GSDMB: variants seen among roughly 807,000 people sequenced by gnomAD.
GSDMB encodes the protein gasdermin-B.
Under a neutral mutation model 42.9 loss-of-function variants are expected in GSDMB, and 32 were observed. The observed-to-expected ratio is 0.75, with a 90% CI of 0.56 to 1.00. The LOEUF (loss-of-function observed/expected upper bound fraction) is 1.00, where lower values mean the gene tolerates loss of function less well. GSDMB is among the 50% of genes least tolerant of loss of function. The pLI, the probability that GSDMB is intolerant of heterozygous loss-of-function variation, is 0.00. For missense variants in GSDMB, 468 were observed against 498.5 expected (o/e 0.94, Z 0.58); for synonymous variants, 175 against 193.7 (o/e 0.90, Z 0.80).
At chr17:39,908,125 T>C in intron 6 of GSDMB, 51 bp downstream of exon 6, 2 of 1,013,164 alleles carry the variant, frequency 2.0e-6, no homozygotes, top group Non-Finnish European at 3.1e-6. Context: ...TTAAAAATAG[T>C]GTCTTTGCCC....
intron 5 of GSDMB, 102 bp downstream of exon 5, chr17:39,908,856 C>T: frequency 2.6e-6 from 2 of 779,786 alleles, no homozygotes; most frequent in Non-Finnish European, 4.4e-6. Flanking sequence ...CCAAGCTCAC[C>T]AGCCACCCAC....
At chr17:39,917,909 T>C (rs1358640940) in intron 1 of GSDMB, 3 of 155,050 alleles carry the variant, frequency 1.9e-5, no homozygotes, top group African/African-American at 7.2e-5. Context: ...GAGGCAGCCA[T>C]GACTCAGTAA....
Position 39,905,454 on chromosome 17 carries a change from T to C in GSDMB, c.1070A>G (p.Lys357Arg), listed in dbSNP as rs749236575. 6.2e-7 allele frequency: 1 copy of C among 1,609,368 alleles called. No individual in the cohort carries two copies. Among genetic ancestry groups the C allele is most frequent in the Non-Finnish European group, 8.5e-7 (1 of 1,177,934 alleles). The stretch of plus-strand genomic sequence containing the variant: ...GTCCTTCAACAGAGGAAGGGTCCCC[T>C]TCTCCAGGGCCTCAGCCACAAACTG... ...EQQFVAEALE[K>R]GTLPLLKDQV... The change falls in exon 10 of 11, where the codon AAG becomes AGG. Residue 357 changes from lysine to arginine, a missense_variant. Coordinates refer to ENST00000418519, the MANE Select transcript of GSDMB (RefSeq NM_001165958.2).
chr17:39,911,215 C>T (rs902194527), intron 3 of GSDMB, among the ~76,000 whole-genome samples: 2 of 147,944 alleles, frequency 1.4e-5, no homozygotes, highest in Non-Finnish European at 3.0e-5. Context: ...CCCAGCTCCT[C>T]GGGAGGTTGA....
intron 1 of GSDMB, 49 bp from the exon 2 acceptor site, chr17:39,917,379 A>G (rs1431581503): frequency 9.1e-7 from 1 of 1,095,906 alleles, no homozygotes; most frequent in East Asian, 2.4e-5. Flanking sequence ...GTATTGGTTC[A>G]AGTATTTAAA....
Position 39,917,116 on chromosome 17 carries a change from G to T in GSDMB, c.201C>A (p.Asp67Glu). The T allele has an allele frequency of 6.2e-7, 1 of 1,613,938 alleles. No homozygotes were observed. Among genetic ancestry groups the T allele is most frequent in the Non-Finnish European group, 8.5e-7 (1 of 1,179,894 alleles). Residue 67 changes from aspartate to glutamate, a missense_variant, in exon 2 of 11, where the codon GAC becomes GAA. Asp to Glu is a conservative substitution (Grantham distance 45, BLOSUM62 2). Transcript: ENST00000418519. ...TLMDILDTDGDKWLDELDSGL... is the reference protein window; with the variant it reads ...TLMDILDTDGEKWLDELDSGL... ...CAGAATCCAGTTCATCTAACCACTT[G>T]TCCCCATCTGTGTCCAGAATGTCCA...
At chr17:39,906,602 G>A (rs2063509029) in intron 7 of GSDMB, 2 of 1,305,168 alleles carry the variant, frequency 1.5e-6, no homozygotes, top group Non-Finnish European at 1.9e-6. Flanking sequence ...AAGTAATTAG[G>A]ATTTGGAGAA....
Position 39,904,906 on chromosome 17 carries a change from T to C in GSDMB, c.1157A>G (p.Asp386Gly), listed in dbSNP as rs1860239670. ...DELASSPPDM[D>G]YDPEARILCA... ...GAGAATTCGTGCCTCAGGGTCATAG[T>C]CCATGTCAGGAGGACTGCTGGCCAG... Residue 386 changes from aspartate (D) to glycine (G), a missense_variant, in exon 11 of 11, where the codon GAC (aspartate) becomes GGC (glycine). Asp to Gly is a moderately conservative substitution (Grantham distance 94). Coordinates refer to ENST00000418519, the MANE Select transcript of GSDMB (RefSeq NM_001165958.2). The C allele has an allele frequency of 1.9e-6, 3 of 1,613,528 alleles. No individual in the cohort carries two copies. The highest frequency in any genetic ancestry group is 2.5e-6 in the Non-Finnish European group (3 of 1,179,526).
chr17:39,912,290 T>G, intron 3 of GSDMB, 36 bp downstream of exon 3: 1 of 1,544,840 alleles, frequency 6.5e-7, no homozygotes, highest in Non-Finnish European at 8.9e-7. Context: ...GATGGGCTTC[T>G]TCCCCTCCTT....
In GSDMB at chr17:39,917,394, C is replaced by G. The variant is rs996508846; in HGVS notation, c.-14-64G>C. On this transcript the variant is annotated intron_variant, in intron 1 of 10. Transcript: ENST00000418519. ...GTATTGGTTCAAGTATTTAAATCTT[C>G]CACATTTGGCAGCCTGAGGTGTCAG... The G allele has an allele frequency of 1.4e-5, 14 of 971,140 alleles. 1 individual carries two copies. The African/African-American group carries it at 2.1e-4, about 14-fold the overall frequency. The allele number at this position is 971,140 out of a possible 1,614,324, so 60.2% of individuals were successfully genotyped here.
At chr17:39,917,000 A>C in intron 2 of GSDMB, 82 bp downstream of exon 2, 1 of 870,866 alleles carries the variant, frequency 1.1e-6, no homozygotes, top group Non-Finnish European at 1.9e-6. Flanking sequence ...ATTGGTTGAT[A>C]ACAATGGGGA....
intron 10 of GSDMB, 143 bp downstream of exon 10, chr17:39,905,283 A>C: frequency 3.1e-6 from 2 of 641,502 alleles, no homozygotes; most frequent in Non-Finnish European, 2.8e-6. Flanking sequence ...TGTCCAGGGA[A>C]TTGTCACAAA....
chr17:39,916,271 T>C (rs981843597), intron 2 of GSDMB, among the ~76,000 whole-genome samples: 3 of 143,228 alleles, frequency 2.1e-5, no homozygotes, highest in African/African-American at 5.3e-5. Context: ...CGTAATTTGT[T>C]CTCATTTGAT....
At chr17:39,912,299 T>A in intron 3 of GSDMB, 27 bp downstream of exon 3, 1 of 1,588,200 alleles carries the variant, frequency 6.3e-7, no homozygotes, top group Non-Finnish European at 8.6e-7. Context: ...CTTCCCCTCC[T>A]TCCCTGCTGC....
intron 2 of GSDMB, among the ~76,000 whole-genome samples, chr17:39,914,554 G>C (rs1490400906): frequency 2.6e-5 from 4 of 152,020 alleles, no homozygotes; most frequent in Non-Finnish European, 4.4e-5. Flanking sequence ...CTGAGGTCAG[G>C]AGTTCAAGAC....
At chr17:39,917,715 G>C (rs9303279) in intron 1 of GSDMB, 137,387 of 220,846 alleles carry the variant, frequency 0.62, 45,062 homozygotes, top group African/African-American at 0.86. Context: ...TAATGATAAT[G>C]CCACCACCCT....
chr17:39,912,518 G>A (rs1568104738), intron 2 of GSDMB, 21 bp from the exon 3 acceptor site: 2 of 1,598,928 alleles, frequency 1.3e-6, no homozygotes, highest in Non-Finnish European at 1.7e-6. Flanking sequence ...AATGATAAAG[G>A]TCACTCTGGA....
At chr17:39,913,696 C>T (rs7216389) in intron 2 of GSDMB, among the ~76,000 whole-genome samples, 90,802 of 152,028 alleles carry the variant, frequency 0.6, 28,368 homozygotes, top group African/African-American at 0.79. Flanking sequence ...GTCACAAACA[C>T]GCATGGACTC....
chr17:39,907,137 A>G (rs897910958), intron 6 of GSDMB, 150 bp from the exon 7 acceptor site: 16 of 1,479,994 alleles, frequency 1.1e-5, no homozygotes, highest in East Asian at 2.5e-5. Context: ...GCGTGTGTCA[A>G]TGGGAAAGCA....
Sources: gnomAD v4.1 joint callset for allele counts (sites outside exome capture counted in the v4.1 genomes callset) on GRCh38, gnomAD v4.1.1 for gene constraint, MANE v1.5 for transcripts, NCBI Gene and HGNC (gene_info 2026-07-23, HGNC 2026-07-21) for gene names.